The following PXYLP1 variants were observed in gnomAD, a reference collection of about 807,000 sequenced individuals.
PXYLP1 encodes acid phosphatase-like 2.
PXYLP1 carries 17 observed loss-of-function variants against 37.9 expected under a neutral mutation model. The ratio of observed to expected loss-of-function variants is 0.45; its 90% CI spans 0.31 to 0.67. The LOEUF (loss-of-function observed/expected upper bound fraction) is 0.67. PXYLP1 is among the 30% of genes least tolerant of loss of function. PXYLP1 has a pLI of 0.07. For synonymous variants in PXYLP1, 221 were observed against 232.2 expected (o/e 0.95, Z 0.44); for missense variants, 511 against 612.0 (o/e 0.84, Z 1.74).
At chr3:141,274,179 G>A (rs774430355) in intron 2 of PXYLP1, 301 of 1,037,312 alleles carry the variant, frequency 2.9e-4, no homozygotes, top group Non-Finnish European at 3.2e-4. Flanking sequence ...CTGTCCCTCA[G>A]CTCCCTTTAT....
chr3:141,288,274 G>A (rs1425708690), intron 5 of PXYLP1, among the ~76,000 whole-genome samples: 1 of 152,230 alleles, frequency 6.6e-6, no homozygotes, highest in East Asian at 1.9e-4. Flanking sequence ...GAATTGGGAA[G>A]ACCCATTGGC....
chr3:141,290,238 C>T (rs1334019752), intron 5 of PXYLP1, among the ~76,000 whole-genome samples: 1 of 152,222 alleles, frequency 6.6e-6, no homozygotes, highest in East Asian at 1.9e-4. Context: ...AAGAAGGCTG[C>T]AACTGCAGCA....
chr3:141,232,144 C>A (rs1048094636), intron 1 of PXYLP1, among the ~76,000 whole-genome samples: 3 of 152,102 alleles, frequency 2.0e-5, no homozygotes, highest in Admixed American at 6.5e-5. Context: ...GGACTTGCGC[C>A]CTCTTTCCTG....
chr3:141,273,486 A>G, intron 2 of PXYLP1: 1 of 984,806 alleles, frequency 1.0e-6, no homozygotes, highest in Non-Finnish European at 1.2e-6. Flanking sequence ...AGAGTCATCC[A>G]CTGTGCATTC....
intron 4 of PXYLP1, among the ~76,000 whole-genome samples, chr3:141,281,972 G>A (rs1576603548): frequency 1.3e-5 from 2 of 151,696 alleles, no homozygotes; most frequent in South Asian, 4.2e-4. Context: ...GGCAGTGAAA[G>A]GGATGAAAAG....
At chr3:141,282,990 CAG>C (rs1273940837) in intron 4 of PXYLP1, among the ~76,000 whole-genome samples, 1 of 151,262 alleles carries the variant, frequency 6.6e-6, no homozygotes, top group Non-Finnish European at 1.5e-5. Flanking sequence ...TTTTTTGAGA[CAG>C]AGTCTCGCTC....
chr3:141,248,985 G>A lies in PXYLP1; in HGVS notation c.-53-11138G>A, dbSNP rs180840365. On this transcript the variant is annotated intron_variant, in intron 1 of 5. Transcript: ENST00000286353. The stretch of plus-strand genomic sequence containing the variant: ...TGGATCTCAGCACGTGGAGGGCTCC[G>A]AAAGGTCACCCACATCAGCCCCTCT... Among the ~76,000 whole-genome samples the A allele has an allele frequency of 3.4e-4, 51 of 151,892 alleles. 1 individual carries two copies. In the Middle Eastern group the frequency reaches 0.014, roughly 41 times the overall value.
At chr3:141,268,333 G>A (rs2148782428) in intron 2 of PXYLP1, among the ~76,000 whole-genome samples, 1 of 152,182 alleles carries the variant, frequency 6.6e-6, no homozygotes, top group East Asian at 1.9e-4. Flanking sequence ...GAAAGTGCCT[G>A]GAGATCTCTA....
Position 141,260,189 on chromosome 3 carries a change from A to C in PXYLP1, c.14A>C (p.Asn5Thr), listed in dbSNP as rs770465672. The C allele has an allele frequency of 6.2e-7, 1 of 1,613,932 alleles. No individual in the cohort carries two copies. The highest frequency in any genetic ancestry group is 1.1e-5 in the South Asian group (1 of 91,082). ...GAATACTTAATAATGCTTTTCCGCA[A>C]CCGCTTCTTGCTGCTGCTGGCCCTG... is the stretch of plus-strand genomic sequence containing the variant. Reference protein sequence around the residue: MLFRNRFLLLLALAA... With the variant: MLFRTRFLLLLALAA... Residue 5 changes from asparagine (N) to threonine (T), a missense_variant, in exon 2 of 6, where the codon AAC becomes ACC. Coordinates refer to ENST00000286353, the MANE Select transcript of PXYLP1 (RefSeq NM_001037172.3).
chr3:141,275,203 T>C (rs1330820145), intron 2 of PXYLP1, among the ~76,000 whole-genome samples: 1 of 152,202 alleles, frequency 6.6e-6, no homozygotes, highest in Non-Finnish European at 1.5e-5. Context: ...ATAAAATCTT[T>C]CTGGAGAGAA....
chr3:141,253,321 G>A (rs1013866259), intron 1 of PXYLP1, among the ~76,000 whole-genome samples: 4 of 152,144 alleles, frequency 2.6e-5, no homozygotes, highest in Admixed American at 6.5e-5. Context: ...CCCCAGCTCC[G>A]CCTGTGTGGC....
At chr3:141,264,996 T>G (rs1559887543) in intron 2 of PXYLP1, among the ~76,000 whole-genome samples, 1 of 152,136 alleles carries the variant, frequency 6.6e-6, no homozygotes, top group East Asian at 1.9e-4. Flanking sequence ...CAGCTTGGAG[T>G]TGGGGAAGAC....
intron 2 of PXYLP1, among the ~76,000 whole-genome samples, chr3:141,272,172 G>A (rs1941680278): frequency 6.6e-6 from 1 of 152,206 alleles, no homozygotes; most frequent in Non-Finnish European, 1.5e-5. Flanking sequence ...AGAAACTGGT[G>A]TGTCCTTGTG....
chr3:141,293,096 C>T lies in PXYLP1; in HGVS notation c.1334C>T (p.Pro445Leu). ...CQDHHKRSPK[P>L]MCPLENLVRF... is the part of the protein sequence containing the mutation. ...GACCACCACAAGCGTTCTCCCAAGC[C>T]CATGTGCCCGCTTGAAAACTTGGTC... is the stretch of plus-strand genomic sequence containing the variant. The change falls in exon 6 of 6, where the codon CCC becomes CTC. Residue 445 changes from proline (P) to leucine (L), a missense_variant. Pro to Leu is a moderately conservative substitution (Grantham distance 98, BLOSUM62 -3). Transcript: ENST00000286353. The T allele has an allele frequency of 6.2e-7, 1 of 1,614,194 alleles. No homozygotes were observed. The highest frequency in any genetic ancestry group is 8.5e-7 in the Non-Finnish European group (1 of 1,180,044).
intron 2 of PXYLP1, among the ~76,000 whole-genome samples, 163 bp downstream of exon 2, chr3:141,260,417 C>G (rs1242621653): frequency 6.6e-6 from 1 of 152,232 alleles, no homozygotes; most frequent in Non-Finnish European, 1.5e-5. Context: ...GATCCTAAAC[C>G]ACCGAGCAGT....
intron 5 of PXYLP1, among the ~76,000 whole-genome samples, chr3:141,289,658 C>A (rs1330709487): frequency 6.6e-6 from 1 of 152,238 alleles, no homozygotes; most frequent in African/African-American, 2.4e-5. Flanking sequence ...GCTGTCTTGT[C>A]CCTGCCTCTC....
At chr3:141,269,264 C>G (rs1576594157) in intron 2 of PXYLP1, among the ~76,000 whole-genome samples, 1 of 152,228 alleles carries the variant, frequency 6.6e-6, no homozygotes, top group African/African-American at 2.4e-5. Context: ...AGAACAATGT[C>G]CTTGGGCCTG....
At chr3:141,251,142 C>T (rs565132102) in intron 1 of PXYLP1, among the ~76,000 whole-genome samples, 62 of 152,344 alleles carry the variant, frequency 4.1e-4, no homozygotes, top group African/African-American at 1.5e-3. Context: ...GGTTTGTCTG[C>T]TTAAACAGAA....
intron 1 of PXYLP1, among the ~76,000 whole-genome samples, chr3:141,251,168 A>T (rs1941131679): frequency 1.3e-5 from 2 of 152,234 alleles, no homozygotes; most frequent in African/African-American, 4.8e-5. Context: ...ATAACAATGG[A>T]TTAAAATGCT....
Sources: gnomAD v4.1 joint callset for allele counts (sites outside exome capture counted in the v4.1 genomes callset) on GRCh38, gnomAD v4.1.1 for gene constraint, MANE v1.5 for transcripts, NCBI Gene and HGNC (gene_info 2026-07-23, HGNC 2026-07-21) for gene names.